The following CHRNA7 variants were observed in gnomAD, a reference collection of about 807,000 sequenced individuals.
CHRNA7 encodes the protein neuronal acetylcholine receptor subunit alpha-7.
CHRNA7 carries 17 observed loss-of-function variants against 48.0 expected under a neutral mutation model. The observed-to-expected ratio is 0.35, with a 90% CI of 0.24 to 0.53. The LOEUF is 0.53. Ranked by LOEUF, CHRNA7 falls within the 20% of genes least tolerant of loss-of-function variation. CHRNA7 has a pLI of 0.92. For missense variants in CHRNA7, 155 were observed against 577.7 expected (o/e 0.27, Z 7.50); for synonymous variants, 75 against 242.3 (o/e 0.31, Z 6.41).
intron 4 of CHRNA7, among the ~76,000 whole-genome samples, chr15:32,115,384 A>G (rs1309607989): frequency 6.6e-6 from 1 of 152,034 alleles, no homozygotes; most frequent in Non-Finnish European, 1.5e-5. Context: ...AGGAGGAGAG[A>G]GCTTCTAAAC....
chr15:32,104,814 C>G (rs1204330839), intron 3 of CHRNA7, among the ~76,000 whole-genome samples: 1 of 152,202 alleles, frequency 6.6e-6, no homozygotes, highest in African/African-American at 2.4e-5. Context: ...GCAAGTGCTT[C>G]CCTTTTTAAT....
intron 2 of CHRNA7, among the ~76,000 whole-genome samples, chr15:32,097,823 G>C (rs2050498187): frequency 6.6e-6 from 1 of 152,192 alleles, no homozygotes; most frequent in Non-Finnish European, 1.5e-5. Context: ...ACTTGGGAGG[G>C]AGTGACTGCT....
chr15:32,151,921 G>T (rs973339440), intron 4 of CHRNA7, among the ~76,000 whole-genome samples: 1 of 152,182 alleles, frequency 6.6e-6, no homozygotes, highest in Non-Finnish European at 1.5e-5. Context: ...AGGCTCTGTA[G>T]TCATGGGCAG....
At chr15:32,042,903 A>C (rs1566796868) in intron 2 of CHRNA7, among the ~76,000 whole-genome samples, 1 of 152,264 alleles carries the variant, frequency 6.6e-6, no homozygotes, top group Non-Finnish European at 1.5e-5. Context: ...CAAAAGTAAT[A>C]TGTGTTTGTA....
At chr15:32,051,351 T>C (rs1429881054) in intron 2 of CHRNA7, among the ~76,000 whole-genome samples, 1 of 152,134 alleles carries the variant, frequency 6.6e-6, no homozygotes, top group African/African-American at 2.4e-5. Flanking sequence ...GCCTAGGCAA[T>C]GGCGGGCGCC....
intron 2 of CHRNA7, among the ~76,000 whole-genome samples, chr15:32,044,953 G>A (rs1015832111): frequency 5.3e-5 from 8 of 152,080 alleles, no homozygotes; most frequent in African/African-American, 1.9e-4. Flanking sequence ...TGCTTCATCC[G>A]GTCCGTTTTC....
At chr15:32,151,730 G>A (rs2051634232) in intron 4 of CHRNA7, among the ~76,000 whole-genome samples, 1 of 152,048 alleles carries the variant, frequency 6.6e-6, no homozygotes. Context: ...ATATCCTCTT[G>A]AATGTTGTGA....
At chr15:32,162,135 C>CTGGGA (rs2051914286) in intron 8 of CHRNA7, 2 of 136,534 alleles carry the variant, frequency 1.5e-5, no homozygotes, top group Admixed American at 7.3e-5. Context: ...AAACACCTCC[C>CTGGGA]CGTGTTCAGC....
At chr15:32,151,507 CGTGTTA>C (rs1266191954) in intron 4 of CHRNA7, among the ~76,000 whole-genome samples, 3 of 151,842 alleles carry the variant, frequency 2.0e-5, no homozygotes, top group Non-Finnish European at 4.4e-5. Flanking sequence ...GAAGTGTCTT[CGTGTTA>C]TTTCTTAATT....
chr15:32,049,979 T>C (rs7173586), intron 2 of CHRNA7, among the ~76,000 whole-genome samples: 134,051 of 152,164 alleles, frequency 0.88, 59,719 homozygotes, highest in South Asian at 0.95. Flanking sequence ...TGGCCCCCAC[T>C]CTCTTCTGGC....
At chr15:32,086,367 CAAAAAAAAAA>C (rs150673202) in intron 2 of CHRNA7, among the ~76,000 whole-genome samples, 3 of 74,058 alleles carry the variant, frequency 4.1e-5, no homozygotes, top group East Asian at 3.8e-4. Context: ...GACTCCATCT[CAAAAAAAAAA>C]AAAAAAAAAA....
At chr15:32,130,546 T>A (rs1056877547) in intron 4 of CHRNA7, among the ~76,000 whole-genome samples, 6 of 146,384 alleles carry the variant, frequency 4.1e-5, no homozygotes, top group African/African-American at 7.3e-5. Flanking sequence ...ATATATATAT[T>A]ATATATATAT....
chr15:32,105,365 A>G (rs1167608471), intron 3 of CHRNA7, among the ~76,000 whole-genome samples: 3 of 151,518 alleles, frequency 2.0e-5, no homozygotes, highest in Non-Finnish European at 4.4e-5. Flanking sequence ...AGAGGAGGAG[A>G]AGGAGGAGGA....
At chr15:32,152,832 A>G (rs1452396529) in intron 4 of CHRNA7, among the ~76,000 whole-genome samples, 1 of 152,190 alleles carries the variant, frequency 6.6e-6, no homozygotes, top group East Asian at 1.9e-4. Context: ...AAAGCCCCAG[A>G]TGTCAACACA....
intron 4 of CHRNA7, among the ~76,000 whole-genome samples, chr15:32,142,721 A>G (rs150943436): frequency 2.0e-5 from 3 of 152,294 alleles, no homozygotes; most frequent in Admixed American, 1.3e-4. Context: ...TGTTTATAGT[A>G]TTCTCTGACA....
At chr15:32,076,860 A>T (rs2141226647) in intron 2 of CHRNA7, among the ~76,000 whole-genome samples, 1 of 152,224 alleles carries the variant, frequency 6.6e-6, no homozygotes, top group Non-Finnish European at 1.5e-5. Context: ...ATGTATAATG[A>T]CCTGTATCTA....
At chr15:32,150,835 C>A (rs2051610548) in intron 4 of CHRNA7, among the ~76,000 whole-genome samples, 1 of 152,090 alleles carries the variant, frequency 6.6e-6, no homozygotes, top group Admixed American at 6.5e-5. Context: ...GCCCAATCAC[C>A]ATTTATAATG....
intron 3 of CHRNA7, among the ~76,000 whole-genome samples, chr15:32,108,749 C>A (rs2050714070): frequency 6.6e-6 from 1 of 150,936 alleles, no homozygotes; most frequent in Admixed American, 6.6e-5. Context: ...ATGGGGAAAT[C>A]TCTCTCTCTT....
intron 2 of CHRNA7, among the ~76,000 whole-genome samples, chr15:32,082,979 T>TA (rs1445808963): frequency 6.6e-6 from 1 of 152,138 alleles, no homozygotes. Context: ...CTACTAAAAA[T>TA]ACAAAAATCA....
Sources: gnomAD v4.1 joint callset for allele counts (sites outside exome capture counted in the v4.1 genomes callset) on GRCh38, gnomAD v4.1.1 for gene constraint, MANE v1.5 for transcripts, NCBI Gene and HGNC (gene_info 2026-07-23, HGNC 2026-07-21) for gene names.